REV3L: variants seen among roughly 807,000 people sequenced by gnomAD.
REV3L encodes the protein REV3 like, DNA directed polymerase zeta catalytic subunit.
Under a neutral mutation model 299.4 loss-of-function variants are expected in REV3L, and 69 were observed. The ratio of observed to expected loss-of-function variants is 0.23; its 90% confidence interval spans 0.19 to 0.28. REV3L has a LOEUF of 0.28. Ranked by LOEUF, REV3L falls within the 10% of genes least tolerant of loss-of-function variation. The pLI is 1.00. For synonymous variants in REV3L, 1,238 were observed against 1,271.4 expected, an observed-to-expected ratio of 0.97 and a Z score of 0.56; for missense variants, 3,128 against 3,693.8, an observed-to-expected ratio of 0.85 and a Z score of 3.97.
At chr6:111,354,565 G>A (rs1777904853) in intron 18 of REV3L, among the ~76,000 whole-genome samples, 1 of 152,106 alleles carries the variant, frequency 6.6e-6, no homozygotes, top group Middle Eastern at 3.2e-3. Context: ...TTAGTCTGGA[G>A]GATGTAAGAG....
intron 18 of REV3L, among the ~76,000 whole-genome samples, chr6:111,354,545 C>T (rs894185404): frequency 6.6e-6 from 1 of 152,022 alleles, no homozygotes; most frequent in South Asian, 2.1e-4. Context: ...TTTTTTGACC[C>T]GGAGGATGTT....
At chr6:111,441,443 G>A (rs1034671538) in intron 1 of REV3L, among the ~76,000 whole-genome samples, 1 of 152,066 alleles carries the variant, frequency 6.6e-6, no homozygotes. Context: ...ATAGAGACAA[G>A]GTCTCACTAT....
At chr6:111,322,825 TATC>T (rs1774334347) in intron 25 of REV3L, 147 bp from the exon 26 acceptor site, 2 of 628,948 alleles carry the variant, frequency 3.2e-6, no homozygotes, top group Non-Finnish European at 5.5e-6. Context: ...TAGCCATCAG[TATC>T]ATCATTCTTT....
At chr6:111,467,384 G>A (rs924956145) in intron 1 of REV3L, among the ~76,000 whole-genome samples, 2 of 152,174 alleles carry the variant, frequency 1.3e-5, no homozygotes, top group African/African-American at 2.4e-5. Context: ...TCTCAAAAGA[G>A]TCTACATTCT....
At chr6:111,390,481 G>A (rs1253472208) in intron 5 of REV3L, among the ~76,000 whole-genome samples, 2 of 151,842 alleles carry the variant, frequency 1.3e-5, no homozygotes, top group East Asian at 3.9e-4. Context: ...TTATACCCGG[G>A]GCAGAATGGG....
In REV3L at chr6:111,335,568, A is replaced by G; in HGVS notation, c.7581T>C (p.Asn2527=). ...VDHYVSRVRG[N]LQMLEQLDLI... Reference sequence around the variant, plus strand: ...GGTCCAGCTGTTCTAACATTTGGAGATTTCCACGGACACGGCTAACATAAT... The same window carrying G: ...GGTCCAGCTGTTCTAACATTTGGAGGTTTCCACGGACACGGCTAACATAAT... Residue 2527 remains asparagine, a synonymous_variant, in exon 22 of 32, where the codon AAT becomes AAC. Transcript: ENST00000368802. 6.2e-7 allele frequency: 1 copy of G among 1,611,942 alleles called. No homozygotes were observed. The highest frequency in any genetic ancestry group is 8.5e-7 in the Non-Finnish European group (1 of 1,178,878).
At chr6:111,428,135 C>T (rs2128296125) in intron 1 of REV3L, among the ~76,000 whole-genome samples, 1 of 151,968 alleles carries the variant, frequency 6.6e-6, no homozygotes, top group South Asian at 2.1e-4. Context: ...ATAACTAATC[C>T]TTGAATGCAA....
In REV3L at chr6:111,355,069, GTTAA is replaced by G. The variant is rs1167590788; in HGVS notation, c.7184+1941_7184+1944del. On this transcript the variant is annotated intron_variant, in intron 18 of 31. Coordinates refer to ENST00000368802, the MANE Select transcript of REV3L (RefSeq NM_001372078.1). The stretch of plus-strand genomic sequence containing the variant: ...AGTTAGGGAGACTGCGCAAAGTGAA[GTTAA>G]TAGTCCAAGGAAATACAGAAAGAGG... 2.6e-5 allele frequency among the ~76,000 whole-genome samples: 4 copies of G among 152,182 alleles called. No homozygotes were observed. In the South Asian group the frequency reaches 8.3e-4, roughly 32 times the overall value.
At position 111,363,393 on chromosome 6, in the gene REV3L, A is replaced by G. The variant is rs17511048; in HGVS notation, c.6879+460T>C. Among the ~76,000 whole-genome samples the G allele has an allele frequency of 1.8e-3, 280 of 151,966 alleles. 1 individual carries two copies. Among genetic ancestry groups the G allele is most frequent in the Non-Finnish European group, 2.6e-3 (175 of 67,922 alleles). ...CAATCACAGCTCACTGCACCCTCGA[A>G]CTCCCAGGATCAAGTGATCCTCCCA... On this transcript the variant is annotated intron_variant, in intron 16 of 31. Transcript: ENST00000368802.
Position 111,309,955 on chromosome 6 carries a change from C to T in REV3L, c.8940G>A (p.Leu2980=). The T allele has an allele frequency of 1.9e-6, 3 of 1,614,076 alleles. No individual in the cohort carries two copies. The highest frequency in any genetic ancestry group is 2.5e-6 in the Non-Finnish European group (3 of 1,179,984). ...GCTTGGTAATATAGTAAGTAGCATT[C>T]AGTCTCAGAGTTGGGTCCTGCAGGA... ...VEVLQDPTLR[L]NATYYITKQI... Residue 2980 remains leucine (L), a synonymous_variant, in exon 30 of 32, where the codon CTG becomes CTA. Transcript: ENST00000368802.
At chr6:111,425,283 C>T (rs999600996) in intron 1 of REV3L, among the ~76,000 whole-genome samples, 27 of 152,044 alleles carry the variant, frequency 1.8e-4, no homozygotes, top group African/African-American at 5.3e-4. Context: ...ATGGAAACCC[C>T]GTCTCTACTA....
At chr6:111,312,488 G>C (rs1307689842) in intron 28 of REV3L, 1 of 152,140 alleles carries the variant, frequency 6.6e-6, no homozygotes, top group Non-Finnish European at 1.5e-5. Context: ...ATAGCTAATT[G>C]TTTGGAAATC....
chr6:111,425,268 C>G (rs1218319580), intron 1 of REV3L, among the ~76,000 whole-genome samples: 1 of 151,872 alleles, frequency 6.6e-6, no homozygotes. Flanking sequence ...ACCATCCTGG[C>G]GAACATGGAA....
chr6:111,303,887 A>G (rs940323283), intron 31 of REV3L, among the ~76,000 whole-genome samples: 59 of 150,756 alleles, frequency 3.9e-4, no homozygotes, highest in African/African-American at 1.3e-3. Context: ...TGCCTGGCTA[A>G]TTTTTGTATT....
At chr6:111,322,396 G>A (rs900095329) in intron 26 of REV3L, among the ~76,000 whole-genome samples, 173 bp downstream of exon 26, 2 of 152,094 alleles carry the variant, frequency 1.3e-5, no homozygotes, top group East Asian at 3.9e-4. Flanking sequence ...TGTCTCTTAC[G>A]ATCCTATCTG....
chr6:111,301,369 A>G (rs1771504539), intron 31 of REV3L, among the ~76,000 whole-genome samples: 1 of 152,168 alleles, frequency 6.6e-6, no homozygotes, highest in Admixed American at 6.5e-5. Flanking sequence ...CCTTTGAAGC[A>G]TGTGACCCAC....
chr6:111,398,200 T>C (rs1359522080), intron 4 of REV3L, among the ~76,000 whole-genome samples: 11 of 152,006 alleles, frequency 7.2e-5, no homozygotes, highest in Admixed American at 5.9e-4. Context: ...ACTCTACATG[T>C]TCAGAGAAAC....
chr6:111,353,231 C>A (rs762785254), intron 18 of REV3L, among the ~76,000 whole-genome samples: 5 of 152,150 alleles, frequency 3.3e-5, no homozygotes, highest in Non-Finnish European at 7.3e-5. Flanking sequence ...AACAATGGAT[C>A]ATGACCAGAT....
intron 2 of REV3L, among the ~76,000 whole-genome samples, chr6:111,413,462 A>G (rs563520284): frequency 4.1e-4 from 63 of 152,308 alleles, no homozygotes; most frequent in African/African-American, 1.4e-3. Flanking sequence ...AGATTCTCTA[A>G]AATCATGAGT....
Sources: allele counts gnomAD v4.1 joint callset (sites outside exome capture counted in the v4.1 genomes callset), GRCh38; gene constraint gnomAD v4.1.1; transcripts MANE v1.5; gene names NCBI Gene and HGNC (gene_info 2026-07-23, HGNC 2026-07-21).